PXDNL: variants seen among roughly 807,000 people sequenced by gnomAD.
PXDNL encodes peroxidasin like.
PXDNL carries 145 observed loss-of-function variants against 150.8 expected under a neutral mutation model. That is an observed-to-expected ratio of 0.96 (90% CI 0.84 to 1.10). The LOEUF (loss-of-function observed/expected upper bound fraction) is 1.10, where lower values mean the gene tolerates loss of function less well. Ranked by LOEUF, PXDNL falls within the 50% of genes least tolerant of loss-of-function variation. The pLI is 0.00. For missense variants in PXDNL, 2,087 were observed against 1,873.9 expected (o/e 1.11, Z -2.10); for synonymous variants, 757 against 725.7 (o/e 1.04, Z -0.69).
At chr8:51,650,558 T>C (rs1815012610) in intron 2 of PXDNL, among the ~76,000 whole-genome samples, 1 of 152,180 alleles carries the variant, frequency 6.6e-6, no homozygotes, top group Admixed American at 6.5e-5. Context: ...AAGCTAGCAC[T>C]GTATTCAGTG....
At chr8:51,336,884 C>T (rs191456890) in intron 21 of PXDNL, among the ~76,000 whole-genome samples, 2 of 152,200 alleles carry the variant, frequency 1.3e-5, no homozygotes, top group Non-Finnish European at 2.9e-5. Context: ...ATCACAGGAC[C>T]TTCTAATTCT....
intron 12 of PXDNL, among the ~76,000 whole-genome samples, chr8:51,436,975 G>A (rs1452406658): frequency 6.6e-6 from 1 of 152,044 alleles, no homozygotes; most frequent in Non-Finnish European, 1.5e-5. Flanking sequence ...ACCAAGAAGA[G>A]AAAAGAACCA....
chr8:51,482,540 C>A (rs1810626481), intron 6 of PXDNL, among the ~76,000 whole-genome samples: 1 of 151,700 alleles, frequency 6.6e-6, no homozygotes, highest in Non-Finnish European at 1.5e-5. Context: ...TTGGGAGGGG[C>A]CAGGGGCGGA....
At chr8:51,589,581 AG>A (rs1210461548) in intron 3 of PXDNL, among the ~76,000 whole-genome samples, 5 of 152,214 alleles carry the variant, frequency 3.3e-5, no homozygotes, top group African/African-American at 1.2e-4. Context: ...GCTGGATTAA[AG>A]GTCACCCTGT....
chr8:51,400,261 G>A (rs559633325), intron 17 of PXDNL, among the ~76,000 whole-genome samples: 3 of 152,232 alleles, frequency 2.0e-5, no homozygotes, highest in African/African-American at 7.2e-5. Flanking sequence ...AGGGGGCTGT[G>A]GAAGTCTTTT....
At chr8:51,658,024 G>A (rs1305851383) in intron 1 of PXDNL, among the ~76,000 whole-genome samples, 1 of 152,092 alleles carries the variant, frequency 6.6e-6, no homozygotes, top group Non-Finnish European at 1.5e-5. Flanking sequence ...GGCATGCTCA[G>A]GGACTCACTC....
intron 1 of PXDNL, among the ~76,000 whole-genome samples, chr8:51,718,502 A>G (rs1816661472): frequency 6.6e-6 from 1 of 152,248 alleles, no homozygotes. Flanking sequence ...AGGCTTCCAA[A>G]GTGAACCAAG....
At chr8:51,457,136 CA>C (rs1809953793) in intron 9 of PXDNL, among the ~76,000 whole-genome samples, 1 of 152,132 alleles carries the variant, frequency 6.6e-6, no homozygotes, top group South Asian at 2.1e-4. Context: ...AGTGGGCATT[CA>C]ATAAATATGT....
chr8:51,400,005 T>A (rs1006593444), intron 17 of PXDNL, among the ~76,000 whole-genome samples: 2 of 152,206 alleles, frequency 1.3e-5, no homozygotes, highest in African/African-American at 4.8e-5. Flanking sequence ...TGTAAAATAA[T>A]CTATCATAGT....
intron 14 of PXDNL, among the ~76,000 whole-genome samples, chr8:51,414,247 T>C (rs906060194): frequency 3.3e-5 from 5 of 151,900 alleles, no homozygotes; most frequent in Non-Finnish European, 7.4e-5. Context: ...TATGTGTTTC[T>C]ATACATATTT....
At chr8:51,807,401 T>G (rs1369158293) in intron 1 of PXDNL, among the ~76,000 whole-genome samples, 1 of 152,136 alleles carries the variant, frequency 6.6e-6, no homozygotes, top group Admixed American at 6.5e-5. Context: ...TGTTAAACCA[T>G]GAGAATCCGC....
intron 1 of PXDNL, among the ~76,000 whole-genome samples, chr8:51,723,568 GA>G (rs1178366695): frequency 6.6e-6 from 1 of 152,208 alleles, no homozygotes; most frequent in Non-Finnish European, 1.5e-5. Context: ...TCATCAAGGA[GA>G]GAAACACATT....
At chr8:51,518,449 T>C (rs1811591864) in intron 4 of PXDNL, among the ~76,000 whole-genome samples, 2 of 152,074 alleles carry the variant, frequency 1.3e-5, no homozygotes, top group Admixed American at 6.5e-5. Context: ...ATAGAACATA[T>C]AATATGCTCA....
rs1382679137 is a variant in PXDNL, at chr8:51,565,281, C to CATAA, written c.309-8371_309-8370insTTAT. ...CCCCTTCAGCTGCAATATATCTTTT[C>CATAA]CTAAATAAATAAATAAATAAATAAA... On this transcript the variant is annotated intron_variant, in intron 3 of 22. Coordinates refer to ENST00000356297, the MANE Select transcript of PXDNL (RefSeq NM_144651.5). Among the ~76,000 whole-genome samples, 4 of 72,034 alleles carry CATAA rather than the reference C, an allele frequency of 5.6e-5. No homozygotes were observed. The East Asian group carries it at 2.1e-3, about 37-fold the overall frequency. 47.3% of individuals were successfully genotyped at this position (72,034 alleles called of 152,430 possible).
At chr8:51,771,680 T>G (rs4321994) in intron 1 of PXDNL, among the ~76,000 whole-genome samples, 27,337 of 151,218 alleles carry the variant, frequency 0.18, 2,860 homozygotes, top group Non-Finnish European at 0.22. Flanking sequence ...CAGAGAACAA[T>G]AAAAAAGAGA....
chr8:51,377,245 T>C (rs1467293906), intron 17 of PXDNL, among the ~76,000 whole-genome samples: 2 of 126,966 alleles, frequency 1.6e-5, no homozygotes, highest in Non-Finnish European at 3.4e-5. Context: ...GGTGCTGGAG[T>C]TTTTCCTTCT....
intron 3 of PXDNL, among the ~76,000 whole-genome samples, chr8:51,563,489 T>A (rs1329905063): frequency 6.6e-6 from 1 of 151,998 alleles, no homozygotes; most frequent in African/African-American, 2.4e-5. Context: ...GTCTTAGGGC[T>A]TCAAGATAGG....
At chr8:51,701,607 A>G (rs534441030) in intron 1 of PXDNL, among the ~76,000 whole-genome samples, 1 of 152,286 alleles carries the variant, frequency 6.6e-6, no homozygotes, top group African/African-American at 2.4e-5. Flanking sequence ...GCAGTCATAT[A>G]TTTCACACTG....
At chr8:51,582,388 G>T (rs533780354) in intron 3 of PXDNL, among the ~76,000 whole-genome samples, 93 of 152,038 alleles carry the variant, frequency 6.1e-4, no homozygotes, top group Non-Finnish European at 1.1e-3. Flanking sequence ...ATCCTGAGCC[G>T]ATCAAGATAT....
Sources: allele counts gnomAD v4.1 joint callset (sites outside exome capture counted in the v4.1 genomes callset), GRCh38; gene constraint gnomAD v4.1.1; transcripts MANE v1.5; gene names NCBI Gene and HGNC (gene_info 2026-07-23, HGNC 2026-07-21).